Variants in RIC1 observed in about 807,000 individuals in gnomAD.
RIC1 encodes the protein guanine nucleotide exchange factor subunit RIC1.
RIC1 carries 88 observed loss-of-function variants against 169.0 expected under a neutral mutation model. That is an observed-to-expected ratio of 0.52 (90% CI 0.44 to 0.62). The LOEUF (loss-of-function observed/expected upper bound fraction) is 0.62, where lower values mean the gene tolerates loss of function less well. Among genes scored for constraint, RIC1 ranks in the 20% least tolerant of loss-of-function variants. RIC1 has a pLI of 0.00. For synonymous variants in RIC1, 790 were observed against 601.5 expected (o/e 1.31, Z -4.59); for missense variants, 1,877 against 1,725.5 (o/e 1.09, Z -1.56).
rs933214604 is a variant in RIC1, at chr9:5,719,961, G to A, written c.441-221G>A. 9.9e-5 allele frequency among the ~76,000 whole-genome samples: 15 copies of A among 152,110 alleles called. No individual in the cohort carries two copies. The East Asian group carries it at 1.4e-3, about 14-fold the overall frequency. ...TTGTAGTTTTTAACTAGTTTTATCA[G>A]TTATCAAGTTTGTGACTGTGAGTGC... On this transcript the variant is annotated intron_variant, in intron 4 of 25. Coordinates refer to ENST00000414202, the MANE Select transcript of RIC1 (RefSeq NM_020829.4).
intron 8 of RIC1, 49 bp from the exon 9 acceptor site, chr9:5,742,820 T>A: frequency 7.6e-7 from 1 of 1,308,516 alleles, no homozygotes; most frequent in Non-Finnish European, 1.1e-6. Context: ...AAAACAAGTA[T>A]TTCTGAAGCA....
intron 3 of RIC1, among the ~76,000 whole-genome samples, chr9:5,710,485 T>C (rs1231953434): frequency 2.0e-5 from 3 of 152,086 alleles, no homozygotes; most frequent in African/African-American, 4.8e-5. Context: ...GTACTAGTAT[T>C]TGAAGACCTC....
At chr9:5,735,113 T>C (rs1458411318) in intron 7 of RIC1, among the ~76,000 whole-genome samples, 1 of 152,162 alleles carries the variant, frequency 6.6e-6, no homozygotes, top group Non-Finnish European at 1.5e-5. Context: ...CAATAGTCCT[T>C]ATGCCACTTA....
At chr9:5,654,148 G>A (rs1237482863) in intron 1 of RIC1, among the ~76,000 whole-genome samples, 1 of 151,894 alleles carries the variant, frequency 6.6e-6, no homozygotes, top group Non-Finnish European at 1.5e-5. Context: ...ACAGGTGTGT[G>A]CCACCATGCC....
chr9:5,636,050 G>T (rs988577522), intron 1 of RIC1, among the ~76,000 whole-genome samples: 13 of 152,166 alleles, frequency 8.5e-5, no homozygotes, highest in Non-Finnish European at 1.6e-4. Flanking sequence ...GGCTATTGTG[G>T]TTTTGTATAA....
intron 3 of RIC1, among the ~76,000 whole-genome samples, chr9:5,692,385 T>C (rs1214414810): frequency 6.6e-6 from 1 of 152,100 alleles, no homozygotes; most frequent in Admixed American, 6.5e-5. Context: ...ACCTAGCTTA[T>C]GGGATAATTA....
intron 2 of RIC1, among the ~76,000 whole-genome samples, chr9:5,662,173 G>A (rs1819492119): frequency 1.3e-5 from 2 of 152,340 alleles, no homozygotes; most frequent in South Asian, 2.1e-4. Context: ...GCATTCCGGG[G>A]ATGAAGTCTA....
chr9:5,681,835 C>T (rs1451682157), intron 2 of RIC1, among the ~76,000 whole-genome samples: 2 of 151,856 alleles, frequency 1.3e-5, no homozygotes, highest in South Asian at 2.1e-4. Context: ...TCCTGTATTG[C>T]GTGCTCCTGT....
intron 6 of RIC1, among the ~76,000 whole-genome samples, chr9:5,722,077 G>A (rs960177112): frequency 2.6e-5 from 4 of 151,676 alleles, no homozygotes; most frequent in Non-Finnish European, 5.9e-5. Context: ...TAGTAGAGAC[G>A]GGGTTTCTCC....
At chr9:5,673,535 G>GATTATATATATATATATATATATATAT (rs1554663216) in intron 2 of RIC1, among the ~76,000 whole-genome samples, 3 of 119,296 alleles carry the variant, frequency 2.5e-5, no homozygotes, top group Non-Finnish European at 5.0e-5. Context: ...AACATAAGGA[G>GATTATATATATATATATATATATATAT]ATATATATAT....
intron 2 of RIC1, among the ~76,000 whole-genome samples, chr9:5,668,798 T>C (rs937951610): frequency 2.0e-5 from 3 of 152,180 alleles, no homozygotes; most frequent in Admixed American, 2.0e-4. Context: ...TGATTTTCTT[T>C]AGTTTTTTGC....
intron 1 of RIC1, among the ~76,000 whole-genome samples, chr9:5,646,125 G>A (rs1257809144): frequency 1.3e-5 from 2 of 151,988 alleles, no homozygotes; most frequent in Non-Finnish European, 2.9e-5. Context: ...ATTCCATTGG[G>A]TCCAATGTGG....
intron 1 of RIC1, 74 bp from the exon 2 acceptor site, chr9:5,656,509 T>C (rs1271009832): frequency 1.6e-5 from 10 of 640,482 alleles, no homozygotes; most frequent in Non-Finnish European, 2.3e-5. Flanking sequence ...TACTCTGTTA[T>C]CTTAAATTTT....
At chr9:5,631,596 A>C (rs1289028350) in intron 1 of RIC1, among the ~76,000 whole-genome samples, 3 of 151,444 alleles carry the variant, frequency 2.0e-5, no homozygotes, top group African/African-American at 7.3e-5. Context: ...CTGAGGCAGG[A>C]GAATCGCTTG....
chr9:5,757,358 G>A lies in RIC1; in HGVS notation c.1899G>A (p.Met633Ile). 1 of 1,614,034 alleles carries A rather than the reference G, an allele frequency of 6.2e-7. No individual in the cohort carries two copies. Among genetic ancestry groups the A allele is most frequent in the Non-Finnish European group, 8.5e-7 (1 of 1,179,938 alleles). Residue 633 changes from methionine to isoleucine, a missense_variant, in exon 17 of 26, where the codon ATG becomes ATA. Around this residue, in one of 3 missense-constraint regions of RIC1, gnomAD observed 1,104 missense variants for 992.0 expected, o/e 1.11. Coordinates refer to ENST00000414202, the MANE Select transcript of RIC1 (RefSeq NM_020829.4). ...TTCAAGTTCTTCAGGAGGTTTCCAT[G>A]TCACGCTACATTCCTCACCCTTTCC... is the stretch of plus-strand genomic sequence containing the variant. Reference protein sequence around the residue: ...AGIQVLQEVSMSRYIPHPFLV... With the variant: ...AGIQVLQEVSISRYIPHPFLV...
chr9:5,756,977 A>G (rs1826050662), intron 16 of RIC1, among the ~76,000 whole-genome samples: 1 of 152,222 alleles, frequency 6.6e-6, no homozygotes, highest in African/African-American at 2.4e-5. Context: ...GCAAGATAAA[A>G]ATTAAGACAT....
chr9:5,682,048 G>A (rs1033131426), intron 2 of RIC1, among the ~76,000 whole-genome samples: 1 of 152,112 alleles, frequency 6.6e-6, no homozygotes, highest in Non-Finnish European at 1.5e-5. Context: ...GAGCCTATGT[G>A]TGTCTCTGCA....
At chr9:5,642,643 G>A (rs1276214432) in intron 1 of RIC1, among the ~76,000 whole-genome samples, 1 of 144,844 alleles carries the variant, frequency 6.9e-6, no homozygotes, top group Non-Finnish European at 1.5e-5. Flanking sequence ...CTGTCCACAG[G>A]CAGAGGAGAA....
intron 2 of RIC1, among the ~76,000 whole-genome samples, chr9:5,686,154 TAGGA>T (rs1446891565): frequency 6.6e-6 from 1 of 150,822 alleles, no homozygotes; most frequent in Non-Finnish European, 1.5e-5. Context: ...TGTGGAGAAA[TAGGA>T]ACAGTTTTAC....
Sources: allele counts gnomAD v4.1 joint callset (sites outside exome capture counted in the v4.1 genomes callset), GRCh38; gene constraint gnomAD v4.1.1; regional missense constraint gnomAD v4.1.1; transcripts MANE v1.5; gene names NCBI Gene and HGNC (gene_info 2026-07-23, HGNC 2026-07-21).